The following OXNAD1 variants were observed in gnomAD, a reference collection of about 807,000 sequenced individuals.
OXNAD1 encodes the protein oxidoreductase NAD-binding domain-containing protein 1.
In OXNAD1, 34 loss-of-function variants were observed where a neutral mutation model predicts 32.9. That is an observed-to-expected ratio of 1.03 (90% CI 0.79 to 1.38). The LOEUF is 1.38. OXNAD1 is among the 40% of genes most tolerant of loss of function. OXNAD1 has a pLI of 0.00. For synonymous variants in OXNAD1, 134 were observed against 135.2 expected (o/e 0.99, Z 0.06); for missense variants, 407 against 379.4 (o/e 1.07, Z -0.60).
Position 16,301,846 on chromosome 3 carries a change from A to G in OXNAD1, c.653A>G (p.Asn218Ser). The change falls in exon 7 of 9, where the codon AAT becomes AGT. Residue 218 changes from asparagine to serine, a missense_variant. By Grantham distance (46) the Asn-to-Ser change is conservative. Coordinates refer to ENST00000285083, the MANE Select transcript of OXNAD1 (RefSeq NM_138381.5). The surrounding 1 kb of genome is among the most constrained non-coding windows in gnomAD (Gnocchi z 4.1). ...ATAAAACTATTCTACAGTGCAAAAAATACCAGCGAACTCCTGTTTAAGGTA... is the reference window on the plus strand; with the variant it reads ...ATAAAACTATTCTACAGTGCAAAAAGTACCAGCGAACTCCTGTTTAAGGTA... ...GTIKLFYSAK[N>S]TSELLFKKNI... The G allele has an allele frequency of 6.2e-7, 1 of 1,614,000 alleles. No individual in the cohort carries two copies. The highest frequency in any genetic ancestry group is 8.5e-7 in the Non-Finnish European group (1 of 1,179,856).
chr3:16,304,536 G>C lies in OXNAD1; in HGVS notation c.*974G>C, dbSNP rs1259505353. On this transcript the variant is annotated 3_prime_UTR_variant, in exon 9 of 9. Transcript: ENST00000285083. This position sits in a 1 kb window ranked among gnomAD's most constrained non-coding sequence, Gnocchi z 4.6. ...GGCAGTCCCCTAGAGTGGATAGAAA[G>C]AATGGTGGAGCCTCATCCCAAAGCT... is the stretch of plus-strand genomic sequence containing the variant. 1 of 152,242 alleles carries C rather than the reference G, an allele frequency of 6.6e-6. No homozygotes were observed. The highest frequency in any genetic ancestry group is 2.4e-5 in the African/African-American group (1 of 41,466). The allele number at this position is 152,242 out of a possible 1,614,324, so 9.4% of individuals were successfully genotyped here. A position where few individuals can be genotyped will look rare whatever the true frequency, so the allele number is the denominator to read the frequency against.
At chr3:16,292,560 AT>A (rs199743702) in intron 5 of OXNAD1, among the ~76,000 whole-genome samples, 1 of 151,484 alleles carries the variant, frequency 6.6e-6, no homozygotes. Context: ...CTGTTTCTCT[AT>A]TTTTTTTCCA....
intron 5 of OXNAD1, among the ~76,000 whole-genome samples, chr3:16,292,431 G>C (rs2066495864): frequency 6.6e-6 from 1 of 152,084 alleles, no homozygotes; most frequent in Non-Finnish European, 1.5e-5. Flanking sequence ...GACCTCAGGT[G>C]ATCCACCCAC....
chr3:16,349,114 A>T (rs1293883841), intron 9 of OXNAD1: 2 of 152,272 alleles, frequency 1.3e-5, no homozygotes, highest in African/African-American at 4.8e-5. Context: ...GGGAAGGGAA[A>T]TGACTTACCT....
At chr3:16,309,131 A>C (rs1354259333), downstream of OXNAD1, among the ~76,000 whole-genome samples, 1 of 152,120 alleles carries the variant, frequency 6.6e-6, no homozygotes, top group African/African-American at 2.4e-5. Flanking sequence ...CTATACAACT[A>C]TGTCTCTCTT....
chr3:16,347,593 G>C (rs570054659), intron 9 of OXNAD1: 13 of 152,198 alleles, frequency 8.5e-5, no homozygotes, highest in African/African-American at 3.1e-4. Flanking sequence ...CTGCCTCTCT[G>C]TTACACAGAT....
At chr3:16,325,411 C>T (rs1435761154) in intron 9 of OXNAD1, among the ~76,000 whole-genome samples, 1 of 152,214 alleles carries the variant, frequency 6.6e-6, no homozygotes, top group Non-Finnish European at 1.5e-5. Context: ...ACAGAGAGAC[C>T]TGTCTGTAGC....
At chr3:16,292,445 G>C (rs1225846330) in intron 5 of OXNAD1, among the ~76,000 whole-genome samples, 2 of 151,992 alleles carry the variant, frequency 1.3e-5, no homozygotes, top group African/African-American at 4.8e-5. Flanking sequence ...CACCCACCTC[G>C]GCCTCCCAAA....
rs2065450268 is a variant in OXNAD1 at position 16,277,708 on chromosome 3, G to T, written c.183+5986G>T. Among the ~76,000 whole-genome samples, 2 of 152,154 alleles carry T rather than the reference G, an allele frequency of 1.3e-5. No individual in the cohort carries two copies. Among genetic ancestry groups the T allele is most frequent in the African/African-American group, 4.8e-5 (2 of 41,420 alleles). ...GGAAATGGAATACTCACCCAGAAAT[G>T]TTCTTTTGGTTTTGGGCATGTATTT... On this transcript the variant is annotated intron_variant, in intron 4 of 8. Transcript: ENST00000285083. This position sits in a 1 kb window ranked among gnomAD's most constrained non-coding sequence, Gnocchi z 4.3.
chr3:16,301,212 T>C lies in OXNAD1; in HGVS notation c.433-414T>C, dbSNP rs1399160336. On this transcript the variant is annotated intron_variant, in intron 6 of 8. Coordinates refer to ENST00000285083, the MANE Select transcript of OXNAD1 (RefSeq NM_138381.5). This position sits in a 1 kb window ranked among gnomAD's most constrained non-coding sequence, Gnocchi z 4.1. ...CTTGATGAACCCAGGGCAGGCAGTC[T>C]AGTGACATTTGCCACATCCTGTTTC... 6.6e-6 allele frequency among the ~76,000 whole-genome samples: 1 copy of C among 152,190 alleles called. No homozygotes were observed. Among genetic ancestry groups the C allele is most frequent in the African/African-American group, 2.4e-5 (1 of 41,446 alleles).
Position 16,290,154 on chromosome 3 carries a change from A to G in OXNAD1, c.290+3706A>G, listed in dbSNP as rs536842352. On this transcript the variant is annotated intron_variant, in intron 5 of 8. Transcript: ENST00000285083. This position sits in a 1 kb window ranked among gnomAD's most constrained non-coding sequence, Gnocchi z 4.2. ...GTGTCATGGTTGGATGTGGACATCCACTGCTTCACCGCGCACCTAGGCTCC... is the reference window on the plus strand; with the variant it reads ...GTGTCATGGTTGGATGTGGACATCCGCTGCTTCACCGCGCACCTAGGCTCC... 6.6e-6 allele frequency among the ~76,000 whole-genome samples: 1 copy of G among 152,308 alleles called. No homozygotes were observed. Among genetic ancestry groups the G allele is most frequent in the South Asian group, 2.1e-4 (1 of 4,826 alleles).
downstream of OXNAD1, among the ~76,000 whole-genome samples, chr3:16,306,589 T>TATAC (rs996490427): frequency 4.4e-4 from 67 of 152,310 alleles, no homozygotes; most frequent in African/African-American, 1.6e-3. Flanking sequence ...CCCCTACACA[T>TATAC]ATACATGGAC....
At position 16,284,560 on chromosome 3, in the gene OXNAD1, A is replaced by G. The variant is rs1261132959; in HGVS notation, c.184-1782A>G. ...AGAAAAATAGTAAAAATCTGGTATT[A>G]TGGGATCACCTTGTATATGTGCTTT... On this transcript the variant is annotated intron_variant, in intron 4 of 8. Coordinates refer to ENST00000285083, the MANE Select transcript of OXNAD1 (RefSeq NM_138381.5). This position sits in a 1 kb window ranked among gnomAD's most constrained non-coding sequence, Gnocchi z 4.1. Among the ~76,000 whole-genome samples, 1 of 152,250 alleles carries G rather than the reference A, an allele frequency of 6.6e-6. No individual in the cohort carries two copies. The highest frequency in any genetic ancestry group is 1.9e-4 in the East Asian group (1 of 5,198).
chr3:16,278,917 C>T (rs73140428), intron 4 of OXNAD1, among the ~76,000 whole-genome samples: 6,608 of 152,224 alleles, frequency 0.043, 439 homozygotes, highest in African/African-American at 0.15. Context: ...TGCTTAGCTG[C>T]AGAGTGGACT....
rs1197452987 is a variant in OXNAD1, at chr3:16,302,447, T to A, written c.676-193T>A. ...AATATGCTTGTTAGCATATTCAGATTTCAATTAAAGCCAAATAGCCCTCTG... is the reference window on the plus strand; with the variant it reads ...AATATGCTTGTTAGCATATTCAGATATCAATTAAAGCCAAATAGCCCTCTG... On this transcript the variant is annotated intron_variant, in intron 7 of 8. Transcript: ENST00000285083. This position sits in a 1 kb window ranked among gnomAD's most constrained non-coding sequence, Gnocchi z 4.2. 6.6e-6 allele frequency among the ~76,000 whole-genome samples: 1 copy of A among 152,146 alleles called. No homozygotes were observed. The highest frequency in any genetic ancestry group is 1.5e-5 in the Non-Finnish European group (1 of 68,014).
Position 16,294,014 on chromosome 3 carries a change from C to T in OXNAD1, c.291-842C>T, listed in dbSNP as rs528018678. On this transcript the variant is annotated intron_variant, in intron 5 of 8. Transcript: ENST00000285083. ...TTCCTGGAATTTTTGTACCTAAATT[C>T]AGAAGGGATACTGGTCTATAGTTTT... Among the ~76,000 whole-genome samples the T allele has an allele frequency of 3.3e-5, 5 of 152,180 alleles. No homozygotes were observed. In the East Asian group the frequency reaches 9.6e-4, roughly 29 times the overall value.
rs2125179146 is a variant in OXNAD1, at chr3:16,320,345, T to C, written c.*30+16753T>C. Reference sequence around the variant, plus strand: ...TTGCTGATTAAAAGAAGACTAAATATGCCACATCCTCGGTGTGCCAATCTT... The same window carrying C: ...TTGCTGATTAAAAGAAGACTAAATACGCCACATCCTCGGTGTGCCAATCTT... On this transcript the variant is annotated intron_variant, in intron 9 of 9. Transcript: ENST00000435829. This position sits in a 1 kb window ranked among gnomAD's most constrained non-coding sequence, Gnocchi z 4.5. Among the ~76,000 whole-genome samples the C allele has an allele frequency of 6.6e-6, 1 of 152,364 alleles. No individual in the cohort carries two copies. Among genetic ancestry groups the C allele is most frequent in the South Asian group, 2.1e-4 (1 of 4,832 alleles).
chr3:16,309,418 C>T (rs978639790), downstream of OXNAD1, among the ~76,000 whole-genome samples: 6 of 151,938 alleles, frequency 3.9e-5, no homozygotes, highest in Non-Finnish European at 8.8e-5. Flanking sequence ...ACATTAGATA[C>T]CCTCAGTCTC....
At chr3:16,266,602 C>CAAAAAAA (rs77883979) in intron 1 of OXNAD1, among the ~76,000 whole-genome samples, 3 of 73,076 alleles carry the variant, frequency 4.1e-5, no homozygotes, top group African/African-American at 5.7e-5. Context: ...GACGCTGTCT[C>CAAAAAAA]AAAAAAAAAA....
Sources: gnomAD v4.1 joint callset for allele counts (sites outside exome capture counted in the v4.1 genomes callset) on GRCh38, gnomAD v4.1.1 for gene constraint, Gnocchi (gnomAD v3.1) non-coding constraint, MANE v1.5 for transcripts, NCBI Gene and HGNC (gene_info 2026-07-23, HGNC 2026-07-21) for gene names.